Variants in CCDC158 observed in about 807,000 individuals in gnomAD.
CCDC158 encodes coiled-coil domain containing 158.
CCDC158 carries 116 observed loss-of-function variants against 138.6 expected under a neutral mutation model. The observed-to-expected ratio is 0.84, with a 90% CI of 0.72 to 0.98. The LOEUF (loss-of-function observed/expected upper bound fraction) is 0.98. Among genes scored for constraint, CCDC158 ranks in the 50% least tolerant of loss-of-function variants. CCDC158 has a pLI of 0.00. For missense variants in CCDC158, 1,265 were observed against 1,306.1 expected (o/e 0.97, Z 0.48); for synonymous variants, 436 against 442.4 (o/e 0.99, Z 0.18).
intron 9 of CCDC158, among the ~76,000 whole-genome samples, chr4:76,373,950 TCG>T (rs1222669581): frequency 2.6e-5 from 4 of 152,060 alleles, no homozygotes; most frequent in Non-Finnish European, 5.9e-5. Context: ...GGCCAGGAGT[TCG>T]AGACCAGCCT....
chr4:76,382,690 A>G lies in CCDC158; in HGVS notation c.834T>C (p.Val278=). 6.2e-7 allele frequency: 1 copy of G among 1,613,184 alleles called. No homozygotes were observed. The highest frequency in any genetic ancestry group is 8.5e-7 in the Non-Finnish European group (1 of 1,179,336). Residue 278 remains valine (V), a synonymous_variant, in exon 8 of 25, where the codon GTT becomes GTC. Coordinates refer to ENST00000682701, the MANE Select transcript of CCDC158 (RefSeq NM_001394954.1). Reference sequence around the variant, plus strand: ...CTTTCTCAGTAAGTCCTGTTATTTCAACTTCATGTTCACTTATTAACTGCT... The same window carrying G: ...CTTTCTCAGTAAGTCCTGTTATTTCGACTTCATGTTCACTTATTAACTGCT... ...RIEQLISEHE[V]EITGLTEKAS... is the part of the protein sequence containing the mutation.
intron 4 of CCDC158, among the ~76,000 whole-genome samples, chr4:76,390,229 T>C (rs1445763675): frequency 1.3e-5 from 2 of 152,114 alleles, no homozygotes; most frequent in East Asian, 3.8e-4. Context: ...GTGTAGAGTT[T>C]GTATTAGTTT....
chr4:76,327,596 T>C (rs559850102), intron 22 of CCDC158, among the ~76,000 whole-genome samples: 3 of 152,302 alleles, frequency 2.0e-5, no homozygotes, highest in African/African-American at 7.2e-5. Context: ...CACTGTGGTA[T>C]GACATTATGA....
intron 19 of CCDC158, among the ~76,000 whole-genome samples, chr4:76,333,646 G>A (rs913114589): frequency 2.0e-5 from 3 of 152,150 alleles, no homozygotes; most frequent in Admixed American, 6.5e-5. Context: ...CTGCAGACAC[G>A]TCGACCTTTT....
chr4:76,373,937 T>C lies in CCDC158; in HGVS notation c.1030-2401A>G, dbSNP rs139133848. ...AGGAGACTGAGGTGGGAGGATCACT[T>C]GAGGCCAGGAGTTCGAGACCAGCCT... On this transcript the variant is annotated intron_variant, in intron 9 of 24. Transcript: ENST00000682701. Among the ~76,000 whole-genome samples, 230 of 152,258 alleles carry C rather than the reference T, an allele frequency of 1.5e-3. 1 individual carries two copies. Among genetic ancestry groups the C allele is most frequent in the African/African-American group, 4.9e-3 (205 of 41,540 alleles).
At chr4:76,335,370 C>T (rs954571883) in intron 18 of CCDC158, among the ~76,000 whole-genome samples, 1 of 152,098 alleles carries the variant, frequency 6.6e-6, no homozygotes, top group African/African-American at 2.4e-5. Flanking sequence ...TAGTTATAAC[C>T]TGGACTTCTT....
chr4:76,390,821 C>A (rs1727241865), intron 4 of CCDC158, among the ~76,000 whole-genome samples: 1 of 151,928 alleles, frequency 6.6e-6, no homozygotes, highest in Admixed American at 6.6e-5. Context: ...CAAAAAAGAG[C>A]AGATGTAGCT....
intron 18 of CCDC158, 108 bp downstream of exon 18, chr4:76,350,888 G>T: frequency 1.0e-6 from 1 of 979,692 alleles, no homozygotes; most frequent in Non-Finnish European, 1.4e-6. Flanking sequence ...TCTAGTAATT[G>T]AAAATGCTAT....
intron 21 of CCDC158, among the ~76,000 whole-genome samples, chr4:76,330,964 A>T (rs1319043441): frequency 6.6e-6 from 1 of 152,160 alleles, no homozygotes; most frequent in Non-Finnish European, 1.5e-5. Flanking sequence ...CACTAAACAA[A>T]TATTTACTGA....
chr4:76,396,159 T>G, intron 4 of CCDC158, 110 bp downstream of exon 4: 4 of 649,230 alleles, frequency 6.2e-6, no homozygotes, highest in Non-Finnish European at 1.0e-5. Context: ...AATAAACCCA[T>G]TTGTTAGTTT....
At chr4:76,365,587 C>A (rs1260651982) in intron 12 of CCDC158, among the ~76,000 whole-genome samples, 1 of 152,176 alleles carries the variant, frequency 6.6e-6, no homozygotes, top group Non-Finnish European at 1.5e-5. Context: ...GGCTTCTTCC[C>A]GGGCTTGGAA....
At chr4:76,352,498 C>G (rs1197719000) in intron 16 of CCDC158, 1 of 152,148 alleles carries the variant, frequency 6.6e-6, no homozygotes, top group Non-Finnish European at 1.5e-5. Flanking sequence ...ACAAAGGTAG[C>G]AGAGATGAGA....
At chr4:76,419,234 C>T (rs1046130090) in intron 1 of CCDC158, among the ~76,000 whole-genome samples, 4 of 152,160 alleles carry the variant, frequency 2.6e-5, no homozygotes, top group South Asian at 2.1e-4. Flanking sequence ...ACCAAATTCC[C>T]TATTCAAATC....
intron 18 of CCDC158, among the ~76,000 whole-genome samples, chr4:76,349,398 G>A (rs1722851891): frequency 6.6e-6 from 1 of 152,248 alleles, no homozygotes; most frequent in Non-Finnish European, 1.5e-5. Flanking sequence ...GCCAAGAGCA[G>A]TGGCTCACAC....
chr4:76,326,354 T>C (rs576013050), intron 22 of CCDC158, among the ~76,000 whole-genome samples: 2 of 152,298 alleles, frequency 1.3e-5, no homozygotes, highest in Admixed American at 6.5e-5. Context: ...TGAAATCATC[T>C]GTACAACTTT....
intron 22 of CCDC158, 114 bp downstream of exon 22, chr4:76,328,786 G>T (rs1003797592): frequency 1.9e-5 from 15 of 775,994 alleles, no homozygotes. Flanking sequence ...AGCAGGAAAT[G>T]AGGCCAGAGA....
At chr4:76,344,912 A>G in intron 18 of CCDC158, 1 of 1,541,030 alleles carries the variant, frequency 6.5e-7, no homozygotes, top group Non-Finnish European at 9.0e-7. Flanking sequence ...GAAAAATACT[A>G]AAGAAATGTT....
intron 2 of CCDC158, among the ~76,000 whole-genome samples, chr4:76,404,161 G>A (rs369598036): frequency 2.0e-5 from 3 of 152,080 alleles, no homozygotes; most frequent in African/African-American, 7.2e-5. Flanking sequence ...GAACACCAAG[G>A]AACCAGCAGA....
intron 16 of CCDC158, 62 bp downstream of exon 16, chr4:76,353,061 A>G: frequency 7.2e-7 from 1 of 1,398,390 alleles, no homozygotes; most frequent in East Asian, 2.3e-5. Flanking sequence ...TGTTCAGAAC[A>G]ATTCTATTTG....
Sources: gnomAD v4.1 joint callset for allele counts (sites outside exome capture counted in the v4.1 genomes callset) on GRCh38, gnomAD v4.1.1 for gene constraint, MANE v1.5 for transcripts, NCBI Gene and HGNC (gene_info 2026-07-23, HGNC 2026-07-21) for gene names.